The following PPP1R9A variants were observed in gnomAD, a reference collection of about 807,000 sequenced individuals.
PPP1R9A encodes the protein protein phosphatase 1 regulatory subunit 9A.
A neutral mutation model predicts 141.9 loss-of-function variants in PPP1R9A; 59 were observed. The observed-to-expected ratio is 0.42, with a 90% CI of 0.34 to 0.52. The LOEUF is 0.52. PPP1R9A is among the 20% of genes least tolerant of loss of function. PPP1R9A has a pLI of 0.10. For synonymous variants in PPP1R9A, 500 were observed against 569.7 expected (o/e 0.88, Z 1.74); for missense variants, 1,444 against 1,611.9 (o/e 0.90, Z 1.78).
At chr7:95,132,694 C>T (rs1185067244) in intron 4 of PPP1R9A, among the ~76,000 whole-genome samples, 20 of 152,156 alleles carry the variant, frequency 1.3e-4, no homozygotes, top group Middle Eastern at 3.4e-3. Context: ...GCTGCTCACC[C>T]GCCCGCTGCA....
chr7:94,976,298 T>C (rs1236499748), intron 2 of PPP1R9A, among the ~76,000 whole-genome samples: 1 of 151,980 alleles, frequency 6.6e-6, no homozygotes, highest in East Asian at 1.9e-4. Context: ...AGTTCTTTGG[T>C]GAGTCATGCA....
intron 6 of PPP1R9A, among the ~76,000 whole-genome samples, chr7:95,201,940 G>T (rs989086163): frequency 1.3e-5 from 2 of 152,116 alleles, no homozygotes; most frequent in African/African-American, 4.8e-5. Context: ...TTCTGCTGAA[G>T]GATAGATAGC....
chr7:95,054,262 CCCA>C (rs1563172511), intron 2 of PPP1R9A, among the ~76,000 whole-genome samples: 1 of 151,002 alleles, frequency 6.6e-6, no homozygotes, highest in Admixed American at 6.6e-5. Flanking sequence ...ATTACAGGCG[CCCA>C]CCACCACGCC....
chr7:95,099,016 C>T (rs562953064), intron 2 of PPP1R9A, among the ~76,000 whole-genome samples: 1 of 152,334 alleles, frequency 6.6e-6, no homozygotes, highest in Non-Finnish European at 1.5e-5. Flanking sequence ...CATGTGTGCA[C>T]ACACATACAC....
At chr7:94,990,035 A>G (rs1367845082) in intron 2 of PPP1R9A, among the ~76,000 whole-genome samples, 1 of 152,100 alleles carries the variant, frequency 6.6e-6, no homozygotes, top group Non-Finnish European at 1.5e-5. Flanking sequence ...AATAGGGCTT[A>G]TCTTTAGTCA....
intron 2 of PPP1R9A, among the ~76,000 whole-genome samples, chr7:95,058,580 G>C (rs1323471886): frequency 6.6e-6 from 1 of 152,098 alleles, no homozygotes; most frequent in Admixed American, 6.6e-5. Flanking sequence ...GGAAGAAGAC[G>C]AGAAAGATAT....
intron 2 of PPP1R9A, among the ~76,000 whole-genome samples, chr7:95,052,749 G>A (rs1810994396): frequency 6.6e-6 from 1 of 152,112 alleles, no homozygotes; most frequent in Non-Finnish European, 1.5e-5. Context: ...TGTGTTCCCA[G>A]TTTTAGTTAT....
In PPP1R9A at chr7:95,162,025, T is replaced by A. The variant is rs531022618; in HGVS notation, c.1754+54T>A. On this transcript the variant is annotated intron_variant, in intron 5 of 19. Coordinates refer to ENST00000433360, the MANE Select transcript of PPP1R9A (RefSeq NM_001166160.2). ...TGTTGTTACTTTAGTTGAATTTTAA[T>A]TTTCTATAGTTTAACCTGCAAATAA... 36 of 1,121,832 alleles carry A rather than the reference T, an allele frequency of 3.2e-5. No homozygotes were observed. In the South Asian group the frequency reaches 5.2e-4, roughly 16 times the overall value. 69.5% of individuals were successfully genotyped at this position (1,121,832 alleles called of 1,614,324 possible). A position where few individuals can be genotyped will look rare whatever the true frequency, so the allele number is the denominator to read the frequency against.
Position 95,214,815 on chromosome 7 carries a change from A to T in PPP1R9A, c.1956+11085A>T, listed in dbSNP as rs149417723. Among the ~76,000 whole-genome samples the T allele has an allele frequency of 9.4e-4, 143 of 152,310 alleles. 2 individuals are homozygous for T. The highest frequency in any genetic ancestry group is 7.3e-3 in the East Asian group (38 of 5,174). ...TTTTTTTGGTCAAAATTTTAGGAAG[A>T]ATAATTTTTCAGCAATATTACCAAT... On this transcript the variant is annotated intron_variant, in intron 7 of 19. Coordinates refer to ENST00000433360, the MANE Select transcript of PPP1R9A (RefSeq NM_001166160.2).
chr7:94,994,084 CAG>C (rs1801853402), intron 2 of PPP1R9A, among the ~76,000 whole-genome samples: 1 of 151,808 alleles, frequency 6.6e-6, no homozygotes, highest in Non-Finnish European at 1.5e-5. Flanking sequence ...CAAGAGCCCT[CAG>C]AAATGAAGAC....
At chr7:94,972,931 A>C (rs1385334893) in intron 2 of PPP1R9A, among the ~76,000 whole-genome samples, 2 of 152,204 alleles carry the variant, frequency 1.3e-5, no homozygotes, top group Non-Finnish European at 2.9e-5. Context: ...TCCAAGTTTC[A>C]TGTTCTTTCC....
intron 2 of PPP1R9A, among the ~76,000 whole-genome samples, chr7:95,023,244 A>C (rs1195934664): frequency 6.6e-6 from 1 of 152,134 alleles, no homozygotes; most frequent in Non-Finnish European, 1.5e-5. Context: ...CATTTCTTCT[A>C]GATTTTCTAG....
chr7:95,060,387 A>G (rs1232285589), intron 2 of PPP1R9A, among the ~76,000 whole-genome samples: 1 of 152,164 alleles, frequency 6.6e-6, no homozygotes. Flanking sequence ...GGAACCAGGG[A>G]TTAAGGTACA....
At chr7:95,220,079 G>T (rs778368421) in intron 7 of PPP1R9A, among the ~76,000 whole-genome samples, 4 of 151,960 alleles carry the variant, frequency 2.6e-5, no homozygotes, top group African/African-American at 9.7e-5. Flanking sequence ...TTATAGATGA[G>T]GAAACAACAT....
intron 8 of PPP1R9A, among the ~76,000 whole-genome samples, chr7:95,230,383 A>G (rs1795754457): frequency 6.6e-6 from 1 of 152,190 alleles, no homozygotes; most frequent in South Asian, 2.1e-4. Context: ...CACCAGAGGA[A>G]GGTGAAGTCC....
At chr7:94,928,074 T>C (rs1415635789) in intron 2 of PPP1R9A, among the ~76,000 whole-genome samples, 1 of 152,142 alleles carries the variant, frequency 6.6e-6, no homozygotes, top group Non-Finnish European at 1.5e-5. Flanking sequence ...TCTACCTTTA[T>C]CAGGAGGAGA....
chr7:95,182,919 C>CTTT (rs1313411494), intron 5 of PPP1R9A, among the ~76,000 whole-genome samples: 1 of 152,092 alleles, frequency 6.6e-6, no homozygotes, highest in Non-Finnish European at 1.5e-5. Flanking sequence ...TGCAAACTAC[C>CTTT]TTTTTAATGT....
At chr7:95,122,422 C>T (rs189734225) in intron 4 of PPP1R9A, among the ~76,000 whole-genome samples, 11 of 152,232 alleles carry the variant, frequency 7.2e-5, no homozygotes, top group East Asian at 3.9e-4. Context: ...GCTAGGATTA[C>T]GGGTGTGAGC....
chr7:95,040,610 C>A (rs905019779), intron 2 of PPP1R9A, among the ~76,000 whole-genome samples: 2 of 152,116 alleles, frequency 1.3e-5, no homozygotes, highest in African/African-American at 4.8e-5. Flanking sequence ...TGTATCTTCT[C>A]CCTTACTCAG....
Sources: allele counts gnomAD v4.1 joint callset (sites outside exome capture counted in the v4.1 genomes callset), GRCh38; gene constraint gnomAD v4.1.1; transcripts MANE v1.5; gene names NCBI Gene and HGNC (gene_info 2026-07-23, HGNC 2026-07-21).